SNX29: variants seen among roughly 807,000 people sequenced by gnomAD.
SNX29 encodes the protein sorting nexin 29.
In SNX29, 78 loss-of-function variants were observed where a neutral mutation model predicts 102.1. The ratio of observed to expected loss-of-function variants is 0.76; its 90% CI spans 0.64 to 0.92. The LOEUF is 0.92. Among genes scored for constraint, SNX29 ranks in the 40% least tolerant of loss-of-function variants. The probability of loss-of-function intolerance (pLI) is 0.00; values close to 1 mark genes in which losing one functional copy is unlikely to be tolerated. For synonymous variants in SNX29, 580 were observed against 414.5 expected (o/e 1.40, Z -4.85); for missense variants, 1,280 against 1,061.7 (o/e 1.21, Z -2.86).
At chr16:12,411,500 A>G (rs1021039982) in intron 18 of SNX29, among the ~76,000 whole-genome samples, 3 of 152,246 alleles carry the variant, frequency 2.0e-5, no homozygotes, top group African/African-American at 4.8e-5. Flanking sequence ...TTCCTGCTGG[A>G]CATATGTGTC....
intron 16 of SNX29, among the ~76,000 whole-genome samples, chr16:12,361,622 A>G (rs1205502463): frequency 6.6e-6 from 1 of 152,202 alleles, no homozygotes; most frequent in African/African-American, 2.4e-5. Context: ...CCAGCATCCC[A>G]CACTGAGAAG....
intron 16 of SNX29, among the ~76,000 whole-genome samples, chr16:12,370,890 T>A (rs913454498): frequency 2.6e-5 from 4 of 152,152 alleles, no homozygotes; most frequent in Non-Finnish European, 5.9e-5. Flanking sequence ...GATCCCTGAT[T>A]TAGTTGCAAA....
At chr16:12,088,700 C>G (rs1161002803) in intron 11 of SNX29, among the ~76,000 whole-genome samples, 1 of 152,232 alleles carries the variant, frequency 6.6e-6, no homozygotes, top group South Asian at 2.1e-4. Context: ...AATCCCAGCA[C>G]TTTGGGAGGC....
chr16:12,280,817 A>G (rs903426795), intron 15 of SNX29, among the ~76,000 whole-genome samples: 4 of 152,214 alleles, frequency 2.6e-5, no homozygotes, highest in African/African-American at 9.7e-5. Flanking sequence ...AGTTGTAAAG[A>G]CTTGTTAGAG....
chr16:12,387,573 C>G (rs1244026847), intron 16 of SNX29, among the ~76,000 whole-genome samples: 1 of 152,148 alleles, frequency 6.6e-6, no homozygotes, highest in Non-Finnish European at 1.5e-5. Flanking sequence ...TTGTTGAGTG[C>G]TTATTATTGT....
intron 1 of SNX29, among the ~76,000 whole-genome samples, chr16:11,989,152 C>T (rs1186535750): frequency 6.6e-6 from 1 of 151,888 alleles, no homozygotes; most frequent in Non-Finnish European, 1.5e-5. Flanking sequence ...TTTGTATTTT[C>T]GGTAGAAACG....
intron 11 of SNX29, chr16:12,087,651 T>C: frequency 2.8e-6 from 1 of 359,226 alleles, no homozygotes; most frequent in Non-Finnish European, 5.5e-6. Context: ...GCCGTCATTA[T>C]GCGAGATGCC....
At chr16:12,089,137 G>A (rs1012707792) in intron 11 of SNX29, among the ~76,000 whole-genome samples, 5 of 150,256 alleles carry the variant, frequency 3.3e-5, no homozygotes, top group South Asian at 2.1e-4. Flanking sequence ...AAGAGAGAGA[G>A]AGAGAGAAAA....
intron 18 of SNX29, among the ~76,000 whole-genome samples, chr16:12,404,985 G>C (rs2084104555): frequency 6.6e-6 from 1 of 152,228 alleles, no homozygotes; most frequent in Non-Finnish European, 1.5e-5. Flanking sequence ...AGTCATAGGA[G>C]AATCTTGAGT....
chr16:12,517,057 C>G (rs569894174), intron 19 of SNX29, among the ~76,000 whole-genome samples: 2 of 152,300 alleles, frequency 1.3e-5, no homozygotes, highest in East Asian at 1.9e-4. Flanking sequence ...AAGCGAGGCC[C>G]AACTCCCAGT....
chr16:12,321,837 TC>T (rs1217340012), intron 15 of SNX29, among the ~76,000 whole-genome samples: 2 of 152,152 alleles, frequency 1.3e-5, no homozygotes, highest in African/African-American at 2.4e-5. Context: ...TGATGGGACT[TC>T]CTTGGTGGGG....
intron 15 of SNX29, among the ~76,000 whole-genome samples, chr16:12,348,155 G>A (rs1000909990): frequency 1.3e-5 from 2 of 152,156 alleles, no homozygotes; most frequent in Admixed American, 6.5e-5. Context: ...CCAGCAGTGA[G>A]TAGACAGGAC....
At chr16:12,020,576 C>T (rs987079370) in intron 3 of SNX29, among the ~76,000 whole-genome samples, 2 of 151,538 alleles carry the variant, frequency 1.3e-5, no homozygotes, top group Admixed American at 6.6e-5. Flanking sequence ...ATGGATTAAG[C>T]ATGTGAACCT....
intron 18 of SNX29, among the ~76,000 whole-genome samples, chr16:12,438,478 T>G (rs1351776190): frequency 6.6e-6 from 1 of 152,186 alleles, no homozygotes; most frequent in Non-Finnish European, 1.5e-5. Context: ...CCCTGTCTTT[T>G]CAGTGATCAT....
chr16:12,060,856 A>T (rs2050744456), intron 8 of SNX29: 1 of 456,172 alleles, frequency 2.2e-6, no homozygotes, highest in African/African-American at 2.0e-5. Context: ...GTGACAGTAT[A>T]ACAGATCATA....
intron 18 of SNX29, among the ~76,000 whole-genome samples, chr16:12,442,309 C>G (rs1011357864): frequency 6.6e-6 from 1 of 152,194 alleles, no homozygotes; most frequent in African/African-American, 2.4e-5. Flanking sequence ...GTCACTCAGT[C>G]TTGATTACTC....
intron 1 of SNX29, among the ~76,000 whole-genome samples, chr16:11,994,079 C>T (rs1393730362): frequency 6.6e-6 from 1 of 152,304 alleles, no homozygotes; most frequent in Admixed American, 6.5e-5. Context: ...TGAGATCGCG[C>T]CATTGCACTC....
chr16:12,410,262 G>C (rs970276952), intron 18 of SNX29, among the ~76,000 whole-genome samples: 4 of 152,156 alleles, frequency 2.6e-5, no homozygotes, highest in African/African-American at 9.7e-5. Flanking sequence ...CCAAAGTGCT[G>C]GGATTATAGG....
intron 16 of SNX29, among the ~76,000 whole-genome samples, chr16:12,383,207 T>A (rs1179524728): frequency 6.6e-6 from 1 of 152,204 alleles, no homozygotes; most frequent in African/African-American, 2.4e-5. Context: ...GCTTGGAGCT[T>A]ATCCTTCCAG....
Sources: gnomAD v4.1 joint callset for allele counts (sites outside exome capture counted in the v4.1 genomes callset) on GRCh38, gnomAD v4.1.1 for gene constraint, MANE v1.5 for transcripts, NCBI Gene and HGNC (gene_info 2026-07-23, HGNC 2026-07-21) for gene names.